The following ANKS1B variants were observed in gnomAD, a reference collection of about 807,000 sequenced individuals.
The protein encoded by ANKS1B is ankyrin repeat and sterile alpha motif domain-containing protein 1B.
In ANKS1B, 36 loss-of-function variants were observed where a neutral mutation model predicts 148.3. The observed-to-expected ratio is 0.24, with a 90% confidence interval of 0.19 to 0.32. ANKS1B has a LOEUF of 0.32. Ranked by LOEUF, ANKS1B falls within the 10% of genes least tolerant of loss-of-function variation. The pLI is 1.00. For missense variants in ANKS1B, 1,157 were observed against 1,542.6 expected (o/e 0.75, Z 4.19); for synonymous variants, 542 against 560.8 (o/e 0.97, Z 0.47).
intron 12 of ANKS1B, among the ~76,000 whole-genome samples, chr12:99,294,063 C>G (rs750819919): frequency 6.6e-6 from 1 of 152,162 alleles, no homozygotes; most frequent in East Asian, 1.9e-4. Context: ...AGGGAACCCT[C>G]GTAAACTGTT....
At chr12:99,334,902 G>A (rs1000427240) in intron 12 of ANKS1B, among the ~76,000 whole-genome samples, 1 of 151,952 alleles carries the variant, frequency 6.6e-6, no homozygotes. Context: ...TTCTCTTACA[G>A]CTACCTCAAT....
chr12:99,410,215 A>G (rs1470064112), intron 11 of ANKS1B, among the ~76,000 whole-genome samples: 2 of 152,232 alleles, frequency 1.3e-5, no homozygotes, highest in African/African-American at 4.8e-5. Flanking sequence ...TTTTATGGAG[A>G]CATAGCCATG....
intron 16 of ANKS1B, among the ~76,000 whole-genome samples, chr12:99,067,015 G>A (rs542414201): frequency 6.6e-6 from 1 of 152,336 alleles, no homozygotes; most frequent in South Asian, 2.1e-4. Context: ...TAATAGATGA[G>A]TATCAGAGAG....
At chr12:99,369,751 T>A (rs73151113) in intron 12 of ANKS1B, among the ~76,000 whole-genome samples, 5,727 of 103,918 alleles carry the variant, frequency 0.055, 124 homozygotes, top group African/African-American at 0.07. Flanking sequence ...GATAGAAAGA[T>A]AGATAGATAG....
At chr12:99,761,065 C>CAAAAAAAAAAAA (rs60542272) in intron 8 of ANKS1B, among the ~76,000 whole-genome samples, 1 of 98,694 alleles carries the variant, frequency 1.0e-5, no homozygotes, top group African/African-American at 3.9e-5. Flanking sequence ...GCCTAACAAC[C>CAAAAAAAAAAAA]AAAAAAAAAA....
At chr12:98,770,151 C>T (rs2098547759) in intron 25 of ANKS1B, among the ~76,000 whole-genome samples, 1 of 152,172 alleles carries the variant, frequency 6.6e-6, no homozygotes, top group Non-Finnish European at 1.5e-5. Context: ...CATTTCACTC[C>T]TGGTGAAAAC....
At chr12:99,282,259 T>TG (rs2078562918) in intron 12 of ANKS1B, among the ~76,000 whole-genome samples, 1 of 152,192 alleles carries the variant, frequency 6.6e-6, no homozygotes, top group African/African-American at 2.4e-5. Context: ...GCGAAGTCCC[T>TG]GATGCATGAC....
chr12:98,742,735 C>T (rs2097810755), downstream of ANKS1B, among the ~76,000 whole-genome samples: 1 of 152,244 alleles, frequency 6.6e-6, no homozygotes, highest in Admixed American at 6.5e-5. Context: ...TCTCTGCCGG[C>T]TTTGGAACCG....
intron 22 of ANKS1B, among the ~76,000 whole-genome samples, chr12:98,784,849 C>T (rs1046419048): frequency 9.2e-5 from 14 of 152,306 alleles, no homozygotes; most frequent in African/African-American, 2.9e-4. Context: ...GGAGGCAGCA[C>T]TATGGTGTCA....
At chr12:99,553,698 T>C (rs2097247592) in intron 9 of ANKS1B, among the ~76,000 whole-genome samples, 3 of 152,210 alleles carry the variant, frequency 2.0e-5, no homozygotes, top group African/African-American at 4.8e-5. Flanking sequence ...AAGTAAACAA[T>C]TGCTGTTTTA....
intron 19 of ANKS1B, among the ~76,000 whole-genome samples, chr12:98,809,725 C>T (rs927966864): frequency 2.6e-5 from 4 of 152,052 alleles, no homozygotes; most frequent in African/African-American, 7.2e-5. Flanking sequence ...AAAATAAAAT[C>T]GTAAGCCCCC....
At chr12:99,868,935 T>A (rs889314100) in intron 1 of ANKS1B, among the ~76,000 whole-genome samples, 3 of 152,082 alleles carry the variant, frequency 2.0e-5, no homozygotes, top group African/African-American at 7.2e-5. Flanking sequence ...CAGGCTCCTG[T>A]AATCCCAGCT....
chr12:99,784,529 T>C (rs778435340), intron 4 of ANKS1B, among the ~76,000 whole-genome samples: 2 of 152,180 alleles, frequency 1.3e-5, no homozygotes, highest in Non-Finnish European at 2.9e-5. Flanking sequence ...TCTCCAAGGC[T>C]GGTCTCTCTG....
chr12:99,546,550 G>A (rs371439468), intron 9 of ANKS1B, among the ~76,000 whole-genome samples: 3 of 152,130 alleles, frequency 2.0e-5, no homozygotes, highest in Admixed American at 2.0e-4. Context: ...TCCCTACTGG[G>A]CTGCAGAGCG....
intron 8 of ANKS1B, among the ~76,000 whole-genome samples, chr12:99,662,574 A>G (rs1255694818): frequency 6.6e-6 from 1 of 152,220 alleles, no homozygotes; most frequent in Non-Finnish European, 1.5e-5. Context: ...TCTAAGAGGA[A>G]CCAATGTAAC....
At chr12:99,167,001 G>A (rs1388938098) in intron 14 of ANKS1B, among the ~76,000 whole-genome samples, 2 of 152,024 alleles carry the variant, frequency 1.3e-5, no homozygotes, top group Non-Finnish European at 2.9e-5. Flanking sequence ...TGAAAAATCA[G>A]TTCTGTAAAG....
At chr12:98,802,838 T>C (rs529245723) in intron 20 of ANKS1B, among the ~76,000 whole-genome samples, 2 of 152,100 alleles carry the variant, frequency 1.3e-5, no homozygotes, top group Admixed American at 1.3e-4. Context: ...TTACATTGCT[T>C]AATCCTCCTA....
At chr12:98,782,712 T>C (rs753653879) in intron 22 of ANKS1B, among the ~76,000 whole-genome samples, 1 of 152,232 alleles carries the variant, frequency 6.6e-6, no homozygotes, top group Non-Finnish European at 1.5e-5. Flanking sequence ...AACAATGGCT[T>C]ACTAAAAGTA....
chr12:99,611,425 G>A (rs1567472114), intron 9 of ANKS1B, among the ~76,000 whole-genome samples: 1 of 151,876 alleles, frequency 6.6e-6, no homozygotes, highest in South Asian at 2.1e-4. Context: ...TTGTTTGTTT[G>A]TTTAAGCACA....
Sources: gnomAD v4.1 joint callset for allele counts (sites outside exome capture counted in the v4.1 genomes callset) on GRCh38, gnomAD v4.1.1 for gene constraint, MANE v1.5 for transcripts, NCBI Gene and HGNC (gene_info 2026-07-23, HGNC 2026-07-21) for gene names.